Variants in RARB observed in about 807,000 individuals in gnomAD.
RARB encodes retinoic acid receptor beta.
Under a neutral mutation model 51.9 loss-of-function variants are expected in RARB, and 17 were observed. The observed-to-expected ratio is 0.33, with a 90% confidence interval of 0.22 to 0.49. The LOEUF (loss-of-function observed/expected upper bound fraction) is 0.49, where lower values mean the gene tolerates loss of function less well. Among genes scored for constraint, RARB ranks in the 20% least tolerant of loss-of-function variants. RARB has a pLI of 0.99. For missense variants in RARB, 369 were observed against 550.8 expected, an observed-to-expected ratio of 0.67 and a Z score of 3.30; for synonymous variants, 215 against 195.4, an observed-to-expected ratio of 1.10 and a Z score of -0.84.
In RARB at chr3:25,428,721, C is replaced by T; in HGVS notation, c.-11C>T. On this transcript the variant is annotated 5_prime_UTR_variant, in exon 1 of 8. Coordinates refer to ENST00000330688, the MANE Select transcript of RARB (RefSeq NM_000965.5). ...TAAGCACTTTTGCAGACATTCAGTG[C>T]AAGGGAGATCATGTTTGACTGTATG... The T allele has an allele frequency of 6.2e-7, 1 of 1,612,580 alleles. No individual in the cohort carries two copies. The highest frequency in any genetic ancestry group is 8.5e-7 in the Non-Finnish European group (1 of 1,178,860).
At chr3:24,928,310 G>T (rs535158851) in intron 2 of RARB, among the ~76,000 whole-genome samples, 1 of 151,834 alleles carries the variant, frequency 6.6e-6, no homozygotes, top group Non-Finnish European at 1.5e-5. Context: ...CCAAAAGTGT[G>T]ATTCATCTAT....
intron 5 of RARB, among the ~76,000 whole-genome samples, chr3:25,186,707 A>G (rs1463526446): frequency 6.6e-6 from 1 of 152,152 alleles, no homozygotes; most frequent in African/African-American, 2.4e-5. Context: ...TAGGGTGCCA[A>G]CATTTTTATA....
chr3:25,144,511 A>G (rs1285139978), intron 4 of RARB, among the ~76,000 whole-genome samples: 1 of 152,208 alleles, frequency 6.6e-6, no homozygotes, highest in Non-Finnish European at 1.5e-5. Flanking sequence ...TCAAATGCAT[A>G]TAATACAACA....
At chr3:25,382,439 A>T (rs1706656340) in intron 5 of RARB, among the ~76,000 whole-genome samples, 1 of 152,212 alleles carries the variant, frequency 6.6e-6, no homozygotes, top group Admixed American at 6.5e-5. Flanking sequence ...TGGACTGGGT[A>T]GCCTCATCCA....
At chr3:25,327,423 A>C (rs1338817235) in intron 5 of RARB, among the ~76,000 whole-genome samples, 1 of 152,210 alleles carries the variant, frequency 6.6e-6, no homozygotes, top group Non-Finnish European at 1.5e-5. Flanking sequence ...TCAGAAAGAC[A>C]TCAGACTTTT....
intron 5 of RARB, among the ~76,000 whole-genome samples, chr3:25,205,196 G>C (rs1701507129): frequency 6.6e-6 from 1 of 152,162 alleles, no homozygotes; most frequent in African/African-American, 2.4e-5. Flanking sequence ...CAATGAGCGA[G>C]GCTCCATGGG....
In RARB at chr3:25,024,691, C is replaced by T. The variant is rs181943298; in HGVS notation, c.-379-35434C>T. On this transcript the variant is annotated intron_variant, in intron 2 of 11. Transcript: ENST00000383772. Reference sequence around the variant, plus strand: ...AAAGAGCTGGGCACGGTGGCTCATGCCTGTAATCCCAGCACTTTGGGAGGC... The same window carrying T: ...AAAGAGCTGGGCACGGTGGCTCATGTCTGTAATCCCAGCACTTTGGGAGGC... Among the ~76,000 whole-genome samples, 1,130 of 152,206 alleles carry T rather than the reference C, an allele frequency of 7.4e-3. 17 individuals are homozygous for T. Among genetic ancestry groups the T allele is most frequent in the African/African-American group, 0.026 (1,075 of 41,548 alleles).
chr3:25,190,194 A>G (rs1228560360), intron 5 of RARB, among the ~76,000 whole-genome samples: 1 of 55,466 alleles, frequency 1.8e-5, no homozygotes, highest in Non-Finnish European at 3.3e-5. Context: ...GTAGAAACAA[A>G]TGGATTCAAG....
At chr3:25,120,826 A>G (rs1559473792) in intron 3 of RARB, among the ~76,000 whole-genome samples, 1 of 152,116 alleles carries the variant, frequency 6.6e-6, no homozygotes, top group African/African-American at 2.4e-5. Flanking sequence ...CTTTGGCCGA[A>G]TCTAGCTGGC....
At chr3:24,975,328 T>C (rs1019152770) in intron 2 of RARB, among the ~76,000 whole-genome samples, 3 of 152,156 alleles carry the variant, frequency 2.0e-5, no homozygotes, top group African/African-American at 7.2e-5. Flanking sequence ...GGTTTTTGTT[T>C]ACTCAGGAAA....
chr3:25,518,540 G>A (rs1404773804), intron 3 of RARB, among the ~76,000 whole-genome samples: 1 of 151,984 alleles, frequency 6.6e-6, no homozygotes, highest in Non-Finnish European at 1.5e-5. Context: ...GAAATAAAAA[G>A]GCATGCAAAA....
At chr3:25,523,175 A>C (rs1489170989) in intron 3 of RARB, among the ~76,000 whole-genome samples, 1 of 152,182 alleles carries the variant, frequency 6.6e-6, no homozygotes, top group Non-Finnish European at 1.5e-5. Flanking sequence ...CAGAAGCATT[A>C]TTTCTTTGCA....
At chr3:25,262,659 T>C (rs550196653) in intron 5 of RARB, among the ~76,000 whole-genome samples, 100 of 152,322 alleles carry the variant, frequency 6.6e-4, no homozygotes, top group South Asian at 1.0e-3. Flanking sequence ...TCTGCTTTCC[T>C]CTTTCACTTT....
chr3:25,548,331 AC>A lies in RARB; in HGVS notation c.449-21426del, dbSNP rs201032336. Among the ~76,000 whole-genome samples the A allele has an allele frequency of 1.9e-4, 29 of 152,322 alleles. No homozygotes were observed. The East Asian group carries it at 4.6e-3, about 24-fold the overall frequency. On this transcript the variant is annotated intron_variant, in intron 3 of 7. Transcript: ENST00000330688. ...GATACCCTGATTGATTATCAGTCTT[AC>A]AAATGTTTAGCACATTTCTCACTTC... is the stretch of plus-strand genomic sequence containing the variant.
At chr3:25,196,136 A>G (rs1701228233) in intron 5 of RARB, among the ~76,000 whole-genome samples, 1 of 151,972 alleles carries the variant, frequency 6.6e-6, no homozygotes, top group African/African-American at 2.4e-5. Context: ...TTTATTATGT[A>G]TGTATACATG....
chr3:25,442,342 G>T (rs1265657299), intron 1 of RARB, among the ~76,000 whole-genome samples: 2 of 151,982 alleles, frequency 1.3e-5, no homozygotes, highest in South Asian at 2.1e-4. Context: ...CATCATATTG[G>T]TCAGGCTGGT....
chr3:24,977,000 C>A (rs970811358), intron 2 of RARB, among the ~76,000 whole-genome samples: 2 of 152,128 alleles, frequency 1.3e-5, no homozygotes, highest in African/African-American at 2.4e-5. Context: ...TTTCCCAGCA[C>A]CGCTTATTAA....
intron 5 of RARB, among the ~76,000 whole-genome samples, chr3:25,586,840 A>G (rs1701412888): frequency 6.6e-6 from 1 of 152,218 alleles, no homozygotes; most frequent in Non-Finnish European, 1.5e-5. Flanking sequence ...TTAAAGACCC[A>G]CAGCCTGAGC....
intron 5 of RARB, among the ~76,000 whole-genome samples, chr3:25,242,186 T>C (rs552487999): frequency 3.3e-5 from 5 of 152,180 alleles, no homozygotes; most frequent in Non-Finnish European, 7.4e-5. Context: ...TTTAAGTTCC[T>C]TGTAGATTCT....
Sources: gnomAD v4.1 joint callset for allele counts (sites outside exome capture counted in the v4.1 genomes callset) on GRCh38, gnomAD v4.1.1 for gene constraint, MANE v1.5 for transcripts, NCBI Gene and HGNC (gene_info 2026-07-23, HGNC 2026-07-21) for gene names.